CCNYL1: variants seen among roughly 807,000 people sequenced by gnomAD.
CCNYL1 encodes cyclin Y like 1.
CCNYL1 carries 16 observed loss-of-function variants against 44.2 expected under a neutral mutation model. The observed-to-expected ratio is 0.36, with a 90% confidence interval of 0.25 to 0.55. The LOEUF is 0.55. Among genes scored for constraint, CCNYL1 ranks in the 20% least tolerant of loss-of-function variants. The pLI, the probability that CCNYL1 is intolerant of heterozygous loss-of-function variation, is 0.85. For missense variants in CCNYL1, 348 were observed against 451.8 expected (o/e 0.77, Z 2.08); for synonymous variants, 159 against 163.2 (o/e 0.97, Z 0.20).
At chr2:207,726,627 A>T (rs1430433995) in intron 2 of CCNYL1, among the ~76,000 whole-genome samples, 1 of 152,226 alleles carries the variant, frequency 6.6e-6, no homozygotes, top group African/African-American at 2.4e-5. Flanking sequence ...TCCATGTAAT[A>T]GAATATCTGT....
chr2:207,741,980 G>A (rs577515636), intron 6 of CCNYL1, among the ~76,000 whole-genome samples: 56 of 151,010 alleles, frequency 3.7e-4, no homozygotes, highest in Non-Finnish European at 6.5e-4. Flanking sequence ...TTGAAACCCC[G>A]TCTCTACTAA....
chr2:207,731,704 A>G (rs2091727662), intron 3 of CCNYL1, among the ~76,000 whole-genome samples: 1 of 151,976 alleles, frequency 6.6e-6, no homozygotes, highest in Non-Finnish European at 1.5e-5. Context: ...GCCACCCCCT[A>G]GTCTCAAGAG....
intron 7 of CCNYL1, among the ~76,000 whole-genome samples, chr2:207,743,477 T>C (rs972742633): frequency 1.3e-5 from 2 of 152,140 alleles, no homozygotes; most frequent in Admixed American, 1.3e-4. Flanking sequence ...AAGCTAGGCA[T>C]GGTAGTGCAC....
chr2:207,753,386 C>T lies in CCNYL1; in HGVS notation c.970-202C>T, dbSNP rs144210274. Among the ~76,000 whole-genome samples, 3 of 152,234 alleles carry T rather than the reference C, an allele frequency of 2.0e-5. No individual in the cohort carries two copies. In the East Asian group the frequency reaches 5.8e-4, roughly 29 times the overall value. On this transcript the variant is annotated intron_variant, in intron 9 of 9. Coordinates refer to ENST00000295414, the MANE Select transcript of CCNYL1 (RefSeq NM_001330218.2). ...CCCCTTTGTTCTCTGGGAATCTAAC[C>T]ATAGCCCTTAAAGGATATTACCTTG...
At chr2:207,722,229 C>T (rs563171323) in intron 1 of CCNYL1, among the ~76,000 whole-genome samples, 28 of 152,030 alleles carry the variant, frequency 1.8e-4, no homozygotes, top group African/African-American at 6.0e-4. Flanking sequence ...CACGCCATCA[C>T]GCCTGGCTGA....
At chr2:207,738,712 TTC>T (rs998941972) in intron 5 of CCNYL1, among the ~76,000 whole-genome samples, 2 of 2,898 alleles carry the variant, frequency 6.9e-4, no homozygotes, top group African/African-American at 1.0e-3. Context: ...TTCACATCTC[TTC>T]TTTCTTTTTT....
Position 207,752,258 on chromosome 2 carries a change from A to C in CCNYL1, c.969+1139A>C, listed in dbSNP as rs541265565. 2.6e-5 allele frequency among the ~76,000 whole-genome samples: 4 copies of C among 152,242 alleles called. No homozygotes were observed. The East Asian group carries it at 7.7e-4, about 29-fold the overall frequency. On this transcript the variant is annotated intron_variant, in intron 9 of 9. Transcript: ENST00000295414. The stretch of plus-strand genomic sequence containing the variant: ...GCAGGTGTTTCAAATGCTGGATGTA[A>C]GTGGTAGGCATGGTGGCTCACACCT...
At chr2:207,738,245 G>A (rs183214080) in intron 5 of CCNYL1, among the ~76,000 whole-genome samples, 20 of 151,824 alleles carry the variant, frequency 1.3e-4, no homozygotes, top group African/African-American at 4.6e-4. Context: ...TTTTTGAGAC[G>A]GAGTCTTGTC....
chr2:207,733,605 A>G (rs1237924318), intron 3 of CCNYL1, among the ~76,000 whole-genome samples: 2 of 152,258 alleles, frequency 1.3e-5, no homozygotes, highest in Non-Finnish European at 2.9e-5. Flanking sequence ...GTGAAGGAAT[A>G]ATAGAAAATC....
chr2:207,738,714 C>T (rs2551961), intron 5 of CCNYL1, among the ~76,000 whole-genome samples: 23,581 of 43,552 alleles, frequency 0.54, 3,029 homozygotes, highest in East Asian at 0.62. Context: ...CACATCTCTT[C>T]TTTCTTTTTT....
chr2:207,737,730 A>C (rs1361324148), intron 5 of CCNYL1, among the ~76,000 whole-genome samples: 1 of 152,112 alleles, frequency 6.6e-6, no homozygotes, highest in African/African-American at 2.4e-5. Flanking sequence ...CAGTTTCTCA[A>C]CGTTGGCACT....
At chr2:207,728,996 A>G (rs1213348833) in intron 3 of CCNYL1, among the ~76,000 whole-genome samples, 1 of 151,880 alleles carries the variant, frequency 6.6e-6, no homozygotes, top group African/African-American at 2.4e-5. Context: ...AAGGGATTTT[A>G]CCATGTTGGC....
intron 2 of CCNYL1, among the ~76,000 whole-genome samples, 179 bp downstream of exon 2, chr2:207,725,053 C>T (rs1236417674): frequency 1.3e-5 from 2 of 151,344 alleles, no homozygotes; most frequent in African/African-American, 4.9e-5. Context: ...TTAGTAATAA[C>T]ATGTAGACCT....
At chr2:207,746,190 A>G (rs759784603) in intron 7 of CCNYL1, among the ~76,000 whole-genome samples, 3 of 152,186 alleles carry the variant, frequency 2.0e-5, no homozygotes, top group Non-Finnish European at 4.4e-5. Context: ...AATACGGGGA[A>G]TATTTTACAG....
chr2:207,747,939 C>T (rs1178758126), intron 8 of CCNYL1, among the ~76,000 whole-genome samples: 1 of 151,958 alleles, frequency 6.6e-6, no homozygotes, highest in East Asian at 1.9e-4. Context: ...TCATTTATAT[C>T]TTTTCATGTG....
In CCNYL1 at chr2:207,756,102, G is replaced by A. The variant is rs10177235; in HGVS notation, c.*2404G>A. 6.6e-6 allele frequency: 1 copy of A among 152,292 alleles called. No individual in the cohort carries two copies. The highest frequency in any genetic ancestry group is 1.9e-4 in the East Asian group (1 of 5,192). The allele number at this position is 152,292 out of a possible 1,614,324, so 9.4% of individuals were successfully genotyped here. On this transcript the variant is annotated 3_prime_UTR_variant, in exon 10 of 10. Transcript: ENST00000295414. ...ATTGATTGCAGTTTTATTTTGAAAA[G>A]AATGCTACAATTTATGTGGTTTTTA...
chr2:207,743,619 C>T (rs942877474), intron 7 of CCNYL1, among the ~76,000 whole-genome samples: 3 of 152,078 alleles, frequency 2.0e-5, no homozygotes, highest in Non-Finnish European at 4.4e-5. Context: ...GAAGATAGAT[C>T]TCTAAAGACT....
At chr2:207,723,703 C>T (rs2091658542) in intron 1 of CCNYL1, among the ~76,000 whole-genome samples, 1 of 151,852 alleles carries the variant, frequency 6.6e-6, no homozygotes, top group Non-Finnish European at 1.5e-5. Flanking sequence ...TGGTAAAACC[C>T]CGTCTCTACT....
At chr2:207,727,267 T>G (rs907853175) in intron 3 of CCNYL1, among the ~76,000 whole-genome samples, 2 of 152,224 alleles carry the variant, frequency 1.3e-5, no homozygotes, top group Non-Finnish European at 2.9e-5. Flanking sequence ...CACCGTGACC[T>G]TATTTTCTTC....
Sources: allele counts gnomAD v4.1 joint callset (sites outside exome capture counted in the v4.1 genomes callset), GRCh38; gene constraint gnomAD v4.1.1; transcripts MANE v1.5; gene names NCBI Gene and HGNC (gene_info 2026-07-23, HGNC 2026-07-21).